The following AGAP1 variants were observed in gnomAD, a reference collection of about 807,000 sequenced individuals.
AGAP1 encodes ArfGAP with GTPase domain, ankyrin repeat and PH domain 1.
AGAP1 carries 29 observed loss-of-function variants against 105.3 expected under a neutral mutation model. The observed-to-expected ratio is 0.28, with a 90% CI of 0.21 to 0.38. The LOEUF is 0.38. AGAP1 is among the 10% of genes least tolerant of loss of function. The probability of loss-of-function intolerance (pLI) is 1.00; values close to 1 mark genes in which losing one functional copy is unlikely to be tolerated. For missense variants in AGAP1, 998 were observed against 1,165.1 expected (o/e 0.86, Z 2.09); for synonymous variants, 509 against 485.9 (o/e 1.05, Z -0.63).
At chr2:235,797,993 A>G (rs1202101371) in intron 7 of AGAP1, 107 bp downstream of exon 7, 2 of 1,354,026 alleles carry the variant, frequency 1.5e-6, no homozygotes, top group East Asian at 2.3e-5. Context: ...TCAACTTTAT[A>G]AGTAACAGCA....
At position 236,009,045 on chromosome 2, in the gene AGAP1, G is replaced by C. The variant is rs1239547658; in HGVS notation, c.1646-27516G>C. On this transcript the variant is annotated intron_variant, in intron 13 of 17. Transcript: ENST00000304032. This position sits in a 1 kb window ranked among gnomAD's most constrained non-coding sequence, Gnocchi z 4.2. ...TGTTTAATCCCTTCAAAGGCCCTTTGAACTGATGTTTCAACATGACTCCTT... is the reference window on the plus strand; with the variant it reads ...TGTTTAATCCCTTCAAAGGCCCTTTCAACTGATGTTTCAACATGACTCCTT... Among the ~76,000 whole-genome samples, 1 of 152,132 alleles carries C rather than the reference G, an allele frequency of 6.6e-6. No individual in the cohort carries two copies. Among genetic ancestry groups the C allele is most frequent in the Non-Finnish European group, 1.5e-5 (1 of 68,022 alleles).
intron 1 of AGAP1, among the ~76,000 whole-genome samples, chr2:235,573,015 C>CT (rs1170636576): frequency 0.033 from 613 of 18,676 alleles, 86 homozygotes; most frequent in East Asian, 0.26. Context: ...TCTTCTTCTT[C>CT]TTCTTCTTCT....
chr2:235,930,136 A>T lies in AGAP1; in HGVS notation c.1325-629A>T, dbSNP rs116390113. On this transcript the variant is annotated intron_variant, in intron 11 of 17. Coordinates refer to ENST00000304032, the MANE Select transcript of AGAP1 (RefSeq NM_001037131.3). This position sits in a 1 kb window ranked among gnomAD's most constrained non-coding sequence, Gnocchi z 7.9. ...TTCAAATCATTAAGTATACAATGGA[A>T]TCATTTTTCATCACAGCCCCTGTGC... Among the ~76,000 whole-genome samples the T allele has an allele frequency of 5.7e-3, 866 of 152,306 alleles. 11 individuals are homozygous for T. The highest frequency in any genetic ancestry group is 0.019 in the African/African-American group (784 of 41,562).
At chr2:235,626,641 T>C (rs1284707947) in intron 1 of AGAP1, among the ~76,000 whole-genome samples, 2 of 152,244 alleles carry the variant, frequency 1.3e-5, no homozygotes, top group South Asian at 2.1e-4. Context: ...ACGCTAATTA[T>C]GTGAACAGTT....
rs143726601 is a variant in AGAP1, at chr2:235,949,650, A to C, written c.1483+18727A>C. ...GCCTCTTTTGCATAGTAAGCTTATG[A>C]GCGCCATGCTCTTTTTGCTAATATC... On this transcript the variant is annotated intron_variant, in intron 12 of 17. Coordinates refer to ENST00000304032, the MANE Select transcript of AGAP1 (RefSeq NM_001037131.3). 6.9e-3 allele frequency among the ~76,000 whole-genome samples: 1,050 copies of C among 152,266 alleles called. 15 individuals carry two copies. Among genetic ancestry groups the C allele is most frequent in the African/African-American group, 0.024 (996 of 41,538 alleles).
intron 6 of AGAP1, among the ~76,000 whole-genome samples, chr2:235,796,937 G>T (rs1277476354): frequency 6.6e-6 from 1 of 152,152 alleles, no homozygotes; most frequent in Non-Finnish European, 1.5e-5. Context: ...ATTACATTCA[G>T]TATGCTTTAT....
At chr2:235,731,635 T>G (rs1283130441) in intron 3 of AGAP1, among the ~76,000 whole-genome samples, 1 of 152,202 alleles carries the variant, frequency 6.6e-6, no homozygotes, top group African/African-American at 2.4e-5. Flanking sequence ...TGTGTGAGTT[T>G]CCATTTGGAA....
At chr2:236,098,766 A>G (rs530340364) in intron 16 of AGAP1, among the ~76,000 whole-genome samples, 2 of 150,410 alleles carry the variant, frequency 1.3e-5, no homozygotes, top group African/African-American at 2.4e-5. Flanking sequence ...CTGGGACTAC[A>G]GGCGTGCACC....
intron 1 of AGAP1, chr2:235,671,124 G>C: frequency 8.1e-7 from 1 of 1,236,840 alleles, no homozygotes. Flanking sequence ...GTTCCGCAGC[G>C]GCTATGGGAC....
chr2:235,929,734 C>T (rs552675834), intron 11 of AGAP1, among the ~76,000 whole-genome samples: 12 of 152,212 alleles, frequency 7.9e-5, no homozygotes, highest in African/African-American at 2.9e-4. Flanking sequence ...TTTCCCAAGC[C>T]CCATTCCCAG....
rs143614890 is a variant in AGAP1 at position 235,758,798 on chromosome 2, TTTTTG to T, written c.673+8321_673+8325del. 2.0e-5 allele frequency among the ~76,000 whole-genome samples: 3 copies of T among 151,998 alleles called. No individual in the cohort carries two copies. The East Asian group carries it at 5.8e-4, about 29-fold the overall frequency. ...TGATCAAGTCACGTAAGGCGTGTTG[TTTTTG>T]TTTTGTTTTGAGACAATGTCTCACT... On this transcript the variant is annotated intron_variant, in intron 6 of 17. Coordinates refer to ENST00000304032, the MANE Select transcript of AGAP1 (RefSeq NM_001037131.3).
At chr2:235,848,661 G>T (rs1009015013) in intron 9 of AGAP1, among the ~76,000 whole-genome samples, 1 of 152,186 alleles carries the variant, frequency 6.6e-6, no homozygotes, top group African/African-American at 2.4e-5. Context: ...AAACCCTGCT[G>T]TGTGTGTTGA....
intron 1 of AGAP1, among the ~76,000 whole-genome samples, chr2:235,627,558 C>A (rs1049569402): frequency 6.6e-6 from 1 of 152,072 alleles, no homozygotes; most frequent in Admixed American, 6.6e-5. Flanking sequence ...ATGCTGATCC[C>A]CCAGCCTCAG....
intron 12 of AGAP1, among the ~76,000 whole-genome samples, chr2:235,968,074 G>A (rs896501566): frequency 5.3e-5 from 8 of 152,178 alleles, no homozygotes; most frequent in Admixed American, 3.3e-4. Context: ...ATTTCCAAAT[G>A]TATTCTTAAA....
Position 235,633,553 on chromosome 2 carries a change from A to G in AGAP1, c.164-75626A>G, listed in dbSNP as rs1007145249. 3.3e-5 allele frequency among the ~76,000 whole-genome samples: 5 copies of G among 152,182 alleles called. No individual in the cohort carries two copies. The highest frequency in any genetic ancestry group is 7.3e-5 in the Non-Finnish European group (5 of 68,034). ...GGTTGCAGTGAGTCAAGATCGCACC[A>G]TTGCACTCCAGCCTGGGTGACAAGA... On this transcript the variant is annotated intron_variant, in intron 1 of 17. Transcript: ENST00000304032. The surrounding 1 kb of genome is among the most constrained non-coding windows in gnomAD (Gnocchi z 4.8).
At chr2:235,757,742 T>A (rs1954051186) in intron 6 of AGAP1, among the ~76,000 whole-genome samples, 1 of 152,182 alleles carries the variant, frequency 6.6e-6, no homozygotes, top group Non-Finnish European at 1.5e-5. Flanking sequence ...GTGCTCTTGA[T>A]GCTTTGCTTC....
chr2:235,676,741 A>C (rs74470136), intron 1 of AGAP1, among the ~76,000 whole-genome samples: 1 of 152,162 alleles, frequency 6.6e-6, no homozygotes, highest in Non-Finnish European at 1.5e-5. Context: ...CCTTTAGGCT[A>C]TTGTCAATTT....
chr2:235,929,959 G>A (rs551657185), intron 11 of AGAP1, among the ~76,000 whole-genome samples: 87 of 152,242 alleles, frequency 5.7e-4, no homozygotes, highest in Middle Eastern at 3.4e-3. Flanking sequence ...AAAAGCCCCA[G>A]TACCTCCGAA....
In AGAP1 at chr2:235,610,952, A is replaced by C. The variant is rs991896224; in HGVS notation, c.164-98227A>C. ...CCCCTCTGAAGAGCGGCCCAGTAGG[A>C]TGGTTGACTGACGTTAGCTTGGCTT... On this transcript the variant is annotated intron_variant, in intron 1 of 17. Coordinates refer to ENST00000304032, the MANE Select transcript of AGAP1 (RefSeq NM_001037131.3). The surrounding 1 kb of genome is among the most constrained non-coding windows in gnomAD (Gnocchi z 4.9). Among the ~76,000 whole-genome samples the C allele has an allele frequency of 6.6e-6, 1 of 151,992 alleles. No individual in the cohort carries two copies. The highest frequency in any genetic ancestry group is 2.4e-5 in the African/African-American group (1 of 41,336).
Sources: allele counts gnomAD v4.1 joint callset (sites outside exome capture counted in the v4.1 genomes callset), GRCh38; gene constraint gnomAD v4.1.1; non-coding constraint Gnocchi (gnomAD v3.1); transcripts MANE v1.5; gene names NCBI Gene and HGNC (gene_info 2026-07-23, HGNC 2026-07-21).